The following PRKD3 variants were observed in gnomAD, a reference collection of about 807,000 sequenced individuals.
PRKD3 encodes the protein serine/threonine-protein kinase D3.
In PRKD3, 47 loss-of-function variants were observed where a neutral mutation model predicts 99.2. The ratio of observed to expected loss-of-function variants is 0.47; its 90% confidence interval spans 0.38 to 0.60. PRKD3 has a LOEUF of 0.60. Among genes scored for constraint, PRKD3 ranks in the 20% least tolerant of loss-of-function variants. The pLI is 0.00. For synonymous variants in PRKD3, 392 were observed against 355.4 expected, an observed-to-expected ratio of 1.10 and a Z score of -1.16; for missense variants, 1,019 against 1,088.4, an observed-to-expected ratio of 0.94 and a Z score of 0.90.
chr2:37,257,834 A>G (rs150243597), intron 16 of PRKD3, among the ~76,000 whole-genome samples: 2,145 of 152,244 alleles, frequency 0.014, 22 homozygotes, highest in Middle Eastern at 0.11. Context: ...ATAATGCTGG[A>G]GACTGCCCCA....
rs13418841 is a variant in PRKD3 at position 37,307,875 on chromosome 2, G to A, written c.288+8362C>T. Among the ~76,000 whole-genome samples the A allele has an allele frequency of 1.3e-3, 205 of 152,210 alleles. 2 individuals carry two copies. The highest frequency in any genetic ancestry group is 4.8e-3 in the African/African-American group (198 of 41,534). ...ATGATCTGTTAGAGATATTTTCTTG[G>A]GACAAAAACCTCAGTGTATATGTTT... is the stretch of plus-strand genomic sequence containing the variant. On this transcript the variant is annotated intron_variant, in intron 2 of 18. Transcript: ENST00000234179.
At chr2:37,294,683 T>G (rs1233512410) in intron 2 of PRKD3, among the ~76,000 whole-genome samples, 1 of 152,242 alleles carries the variant, frequency 6.6e-6, no homozygotes, top group African/African-American at 2.4e-5. Context: ...ATTAAAATTT[T>G]ACTAAATTTT....
At chr2:37,268,907 A>T (rs1669027302) in intron 13 of PRKD3, 1 of 153,174 alleles carries the variant, frequency 6.5e-6, no homozygotes, top group South Asian at 2.1e-4. Flanking sequence ...GTGAGGTAAT[A>T]CTAATATCAG....
At chr2:37,317,695 G>T (rs946106288) in intron 1 of PRKD3, 1 of 152,130 alleles carries the variant, frequency 6.6e-6, no homozygotes, top group African/African-American at 2.4e-5. Flanking sequence ...GAAGGCTAAG[G>T]AAGCAGGAGG....
At chr2:37,273,032 CTTAAA>C (rs1269001319) in intron 11 of PRKD3, among the ~76,000 whole-genome samples, 1 of 151,806 alleles carries the variant, frequency 6.6e-6, no homozygotes, top group African/African-American at 2.4e-5. Context: ...GGTAGCAGTG[CTTAAA>C]TTAAAAACAA....
intron 5 of PRKD3, among the ~76,000 whole-genome samples, chr2:37,288,306 C>T (rs1166018117): frequency 6.6e-6 from 1 of 151,856 alleles, no homozygotes; most frequent in East Asian, 1.9e-4. Flanking sequence ...TTATACCAAC[C>T]CCTCATTTTC....
intron 14 of PRKD3, among the ~76,000 whole-genome samples, chr2:37,263,673 T>C (rs1006255634): frequency 2.0e-5 from 3 of 152,188 alleles, no homozygotes; most frequent in Non-Finnish European, 2.9e-5. Context: ...GACCCTCAAA[T>C]GGCTTTTTGT....
At chr2:37,269,516 T>G (rs748940593) in intron 13 of PRKD3, 99 bp downstream of exon 13, 1 of 1,051,754 alleles carries the variant, frequency 9.5e-7, no homozygotes, top group African/African-American at 1.6e-5. Context: ...AAAAAGGCAC[T>G]GGACAAAACT....
chr2:37,269,331 A>G (rs997049847), intron 13 of PRKD3: 3 of 381,894 alleles, frequency 7.9e-6, no homozygotes, highest in African/African-American at 4.1e-5. Flanking sequence ...ACTTCAAACC[A>G]TCTCCCCCCC....
At chr2:37,310,174 C>T (rs1671359946) in intron 2 of PRKD3, among the ~76,000 whole-genome samples, 1 of 152,164 alleles carries the variant, frequency 6.6e-6, no homozygotes, top group African/African-American at 2.4e-5. Context: ...AGTTTTCAGT[C>T]ATTTCTAGAT....
chr2:37,262,561 T>A (rs772809553), intron 14 of PRKD3, among the ~76,000 whole-genome samples: 2 of 152,178 alleles, frequency 1.3e-5, no homozygotes, highest in African/African-American at 2.4e-5. Context: ...AAATACCCCA[T>A]AGTGGTGGGG....
intron 17 of PRKD3, among the ~76,000 whole-genome samples, chr2:37,255,516 T>C (rs1486251440): frequency 6.6e-6 from 1 of 152,140 alleles, no homozygotes; most frequent in African/African-American, 2.4e-5. Context: ...TTCAAAAGCC[T>C]TCACTAGGCA....
At chr2:37,264,552 G>T (rs78933182) in intron 14 of PRKD3, among the ~76,000 whole-genome samples, 2 of 152,026 alleles carry the variant, frequency 1.3e-5, no homozygotes, top group Admixed American at 6.6e-5. Context: ...ATGCTGAATA[G>T]AATGTGGAGG....
intron 2 of PRKD3, among the ~76,000 whole-genome samples, chr2:37,313,926 C>T (rs1171049704): frequency 6.6e-6 from 1 of 152,082 alleles, no homozygotes; most frequent in African/African-American, 2.4e-5. Context: ...CATCTGTAAG[C>T]TTCAGAACAA....
chr2:37,303,834 C>A (rs1218874220), intron 2 of PRKD3, among the ~76,000 whole-genome samples: 3 of 152,086 alleles, frequency 2.0e-5, no homozygotes, highest in Non-Finnish European at 4.4e-5. Context: ...TTAAAATGTA[C>A]TTGATATATA....
chr2:37,255,797 A>T (rs944607464), intron 17 of PRKD3, among the ~76,000 whole-genome samples: 1 of 152,160 alleles, frequency 6.6e-6, no homozygotes, highest in African/African-American at 2.4e-5. Flanking sequence ...ATTGAGTGCA[A>T]GAGTTTGACA....
At chr2:37,290,718 C>A in intron 4 of PRKD3, 150 bp downstream of exon 4, 2 of 770,418 alleles carry the variant, frequency 2.6e-6, no homozygotes, top group Non-Finnish European at 4.0e-6. Flanking sequence ...AAGTAGGTGG[C>A]AGAGATAAAA....
At chr2:37,280,807 C>A (rs904137680) in intron 7 of PRKD3, among the ~76,000 whole-genome samples, 1 of 152,032 alleles carries the variant, frequency 6.6e-6, no homozygotes, top group African/African-American at 2.4e-5. Flanking sequence ...CAACACCTTA[C>A]GAAGTGAAAT....
chr2:37,256,627 AATTTT>A (rs1558522132), intron 17 of PRKD3, 30 bp downstream of exon 17: 57 of 1,247,182 alleles, frequency 4.6e-5, no homozygotes, highest in South Asian at 1.4e-4. Context: ...ACATAGCCAA[AATTTT>A]TTTTTTTTTT....
Sources: gnomAD v4.1 joint callset for allele counts (sites outside exome capture counted in the v4.1 genomes callset) on GRCh38, gnomAD v4.1.1 for gene constraint, MANE v1.5 for transcripts, NCBI Gene and HGNC (gene_info 2026-07-23, HGNC 2026-07-21) for gene names.